UBAP2: variants seen among roughly 807,000 people sequenced by gnomAD.
UBAP2 encodes the protein ubiquitin-associated protein 2.
A neutral mutation model predicts 139.6 loss-of-function variants in UBAP2; 75 were observed. That is an observed-to-expected ratio of 0.54 (90% CI 0.45 to 0.65). The LOEUF is 0.65. Ranked by LOEUF, UBAP2 falls within the 30% of genes least tolerant of loss-of-function variation. The pLI is 0.00. For missense variants in UBAP2, 1,368 were observed against 1,369.6 expected (o/e 1.00, Z 0.02); for synonymous variants, 526 against 526.2 (o/e 1.00, Z 0.01).
chr9:33,978,884 T>G (rs1378164070), intron 6 of UBAP2, among the ~76,000 whole-genome samples: 4 of 152,210 alleles, frequency 2.6e-5, no homozygotes, highest in Non-Finnish European at 5.9e-5. Flanking sequence ...AAACTATTGT[T>G]GCCTTTTTTG....
In UBAP2 at chr9:33,921,714, G is replaced by A. The variant is rs930963829; in HGVS notation, c.*790C>T. On this transcript the variant is annotated 3_prime_UTR_variant, in exon 29 of 29. Coordinates refer to ENST00000379238, the MANE Select transcript of UBAP2 (RefSeq NM_001370062.2). ...CATGCATGCTCTCAGAACTTTATTA[G>A]GTGGGGATTGGGCAAGAGAAAACCC... 2 of 152,700 alleles carry A rather than the reference G, an allele frequency of 1.3e-5. No homozygotes were observed. The highest frequency in any genetic ancestry group is 2.9e-5 in the Non-Finnish European group (2 of 68,090). The allele number at this position is 152,700 out of a possible 1,614,324, so 9.5% of individuals were successfully genotyped here.
chr9:33,959,336 CTCAT>C (rs2131001584), intron 10 of UBAP2, among the ~76,000 whole-genome samples: 1 of 152,196 alleles, frequency 6.6e-6, no homozygotes, highest in Non-Finnish European at 1.5e-5. Flanking sequence ...TTTCTTGTTT[CTCAT>C]TCAAAGCAGG....
chr9:33,988,433 G>T (rs1821396411), intron 5 of UBAP2, among the ~76,000 whole-genome samples: 1 of 152,176 alleles, frequency 6.6e-6, no homozygotes, highest in South Asian at 2.1e-4. Flanking sequence ...ACAAAACCTA[G>T]AAAACCTAGG....
intron 4 of UBAP2, among the ~76,000 whole-genome samples, chr9:33,990,298 T>C (rs1000780916): frequency 1.3e-5 from 2 of 152,176 alleles, no homozygotes; most frequent in African/African-American, 2.4e-5. Context: ...TTTGACATTA[T>C]ATATCCAAAG....
intron 6 of UBAP2, among the ~76,000 whole-genome samples, chr9:33,976,683 T>G (rs1587597607): frequency 6.6e-6 from 1 of 152,212 alleles, no homozygotes; most frequent in South Asian, 2.1e-4. Context: ...ATGTATGGTA[T>G]GTAAATTTTG....
At chr9:33,986,605 G>C in intron 6 of UBAP2, among the ~76,000 whole-genome samples, 155 bp downstream of exon 6, 1 of 152,068 alleles carries the variant, frequency 6.6e-6, no homozygotes, top group Middle Eastern at 3.2e-3. Context: ...ACCCAAAATA[G>C]TTCATTTACA....
chr9:34,030,885 G>A (rs142691376), intron 1 of UBAP2, among the ~76,000 whole-genome samples: 12,018 of 151,900 alleles, frequency 0.079, 677 homozygotes, highest in Non-Finnish European at 0.12. Flanking sequence ...AGCCAAGATC[G>A]CACCACTGCA....
chr9:33,998,913 T>C (rs747881638), intron 2 of UBAP2, 49 bp from the exon 3 acceptor site: 1 of 1,522,468 alleles, frequency 6.6e-7, no homozygotes, highest in Admixed American at 1.8e-5. Context: ...AAAGCATAAG[T>C]TAGATTCCAA....
At chr9:34,039,089 A>C (rs942082956) in intron 1 of UBAP2, among the ~76,000 whole-genome samples, 1 of 146,548 alleles carries the variant, frequency 6.8e-6, no homozygotes, top group African/African-American at 2.6e-5. Flanking sequence ...CCCGGCAGCC[A>C]CCCCGTCTGG....
chr9:34,048,608 A>T (rs1297357334), intron 1 of UBAP2, among the ~76,000 whole-genome samples: 1 of 152,076 alleles, frequency 6.6e-6, no homozygotes, highest in Non-Finnish European at 1.5e-5. Context: ...GAAGAAGCAC[A>T]GGGCAACGTG....
intron 4 of UBAP2, among the ~76,000 whole-genome samples, chr9:33,990,257 T>C (rs1399905215): frequency 6.6e-6 from 1 of 152,208 alleles, no homozygotes; most frequent in East Asian, 1.9e-4. Flanking sequence ...AACTGTTTTA[T>C]GCTTTTTAAA....
intron 3 of UBAP2, 138 bp from the exon 4 acceptor site, chr9:33,996,471 G>C (rs1374759208): frequency 1.7e-6 from 1 of 593,580 alleles, no homozygotes; most frequent in Non-Finnish European, 2.9e-6. Flanking sequence ...TTTACAATGA[G>C]GACATGTTTA....
chr9:33,924,475 A>C (rs1311245882), intron 22 of UBAP2, among the ~76,000 whole-genome samples, 191 bp from the exon 23 acceptor site: 1 of 152,160 alleles, frequency 6.6e-6, no homozygotes, highest in African/African-American at 2.4e-5. Flanking sequence ...TGCCTAACAC[A>C]TAAGCACACA....
intron 15 of UBAP2, among the ~76,000 whole-genome samples, chr9:33,942,455 C>T (rs1166237450): frequency 2.0e-5 from 3 of 152,006 alleles, no homozygotes. Flanking sequence ...TCAGCCAGGC[C>T]GGTGGCTCAT....
chr9:33,956,801 T>C (rs1826600244), intron 10 of UBAP2, among the ~76,000 whole-genome samples: 3 of 151,826 alleles, frequency 2.0e-5, no homozygotes, highest in African/African-American at 7.3e-5. Context: ...CCACCAACAA[T>C]GCTAACAGAA....
intron 2 of UBAP2, among the ~76,000 whole-genome samples, chr9:34,004,882 A>C (rs1243292835): frequency 6.6e-6 from 1 of 151,886 alleles, no homozygotes; most frequent in Non-Finnish European, 1.5e-5. Flanking sequence ...TCAGGAGGAG[A>C]CCAGCCTGGG....
intron 4 of UBAP2, chr9:33,995,545 ATAT>A (rs1822121656): frequency 1.7e-5 from 2 of 119,626 alleles, no homozygotes; most frequent in Admixed American, 9.7e-5. Context: ...ATTATTAAAT[ATAT>A]TATTAAATAA....
At chr9:33,950,744 G>C (rs1826027698) in intron 12 of UBAP2, among the ~76,000 whole-genome samples, 1 of 152,204 alleles carries the variant, frequency 6.6e-6, no homozygotes, top group Non-Finnish European at 1.5e-5. Flanking sequence ...GCATCAGCTA[G>C]TTTTATCAAA....
chr9:34,018,689 C>T (rs979634480), intron 1 of UBAP2, among the ~76,000 whole-genome samples: 3 of 152,040 alleles, frequency 2.0e-5, no homozygotes, highest in African/African-American at 7.2e-5. Flanking sequence ...CGGTGAAACC[C>T]CGTCTCTACT....
Sources: gnomAD v4.1 joint callset for allele counts (sites outside exome capture counted in the v4.1 genomes callset) on GRCh38, gnomAD v4.1.1 for gene constraint, MANE v1.5 for transcripts, NCBI Gene and HGNC (gene_info 2026-07-23, HGNC 2026-07-21) for gene names.